PXDNL: variants seen among roughly 807,000 people sequenced by gnomAD.
PXDNL encodes the protein probable oxidoreductase PXDNL.
Under a neutral mutation model 150.8 loss-of-function variants are expected in PXDNL, and 145 were observed. The observed-to-expected ratio is 0.96, with a 90% CI of 0.84 to 1.10. The LOEUF (loss-of-function observed/expected upper bound fraction) is 1.10, where lower values mean the gene tolerates loss of function less well. PXDNL is among the 50% of genes least tolerant of loss of function. The pLI, the probability that PXDNL is intolerant of heterozygous loss-of-function variation, is 0.00. For synonymous variants in PXDNL, 757 were observed against 725.7 expected, an observed-to-expected ratio of 1.04 and a Z score of -0.69; for missense variants, 2,087 against 1,873.9, an observed-to-expected ratio of 1.11 and a Z score of -2.10.
chr8:51,664,752 G>T (rs528716500), intron 1 of PXDNL, among the ~76,000 whole-genome samples: 1 of 152,026 alleles, frequency 6.6e-6, no homozygotes, highest in Non-Finnish European at 1.5e-5. Flanking sequence ...AGTGAGATGC[G>T]CTCCCAGGTG....
At chr8:51,505,228 C>T (rs1399160604) in intron 4 of PXDNL, among the ~76,000 whole-genome samples, 1 of 152,084 alleles carries the variant, frequency 6.6e-6, no homozygotes, top group Non-Finnish European at 1.5e-5. Flanking sequence ...AAAGAGAGGA[C>T]AAAAATCTTC....
At chr8:51,708,946 G>A (rs1816439920) in intron 1 of PXDNL, among the ~76,000 whole-genome samples, 2 of 151,976 alleles carry the variant, frequency 1.3e-5, no homozygotes, top group Admixed American at 6.6e-5. Flanking sequence ...AGGGAGGGGG[G>A]CAATAGGAGA....
At chr8:51,808,097 A>T (rs924475334) in intron 1 of PXDNL, among the ~76,000 whole-genome samples, 2 of 152,234 alleles carry the variant, frequency 1.3e-5, no homozygotes, top group African/African-American at 4.8e-5. Flanking sequence ...ATACCATCAA[A>T]TTGGACTTTT....
chr8:51,420,528 G>A (rs546822470), intron 14 of PXDNL, among the ~76,000 whole-genome samples: 30 of 151,958 alleles, frequency 2.0e-4, no homozygotes, highest in African/African-American at 7.0e-4. Context: ...ACATATAAAT[G>A]TCCCAGAGAC....
At chr8:51,561,484 A>T (rs1160856921) in intron 3 of PXDNL, among the ~76,000 whole-genome samples, 1 of 151,968 alleles carries the variant, frequency 6.6e-6, no homozygotes, top group Non-Finnish European at 1.5e-5. Context: ...CCAGTCTGGA[A>T]AGATGAGATA....
At chr8:51,630,050 A>G (rs1473233549) in intron 2 of PXDNL, among the ~76,000 whole-genome samples, 1 of 152,236 alleles carries the variant, frequency 6.6e-6, no homozygotes, top group Non-Finnish European at 1.5e-5. Context: ...ATACAAGGCT[A>G]TAGTAATCAA....
chr8:51,616,047 C>T (rs1469322151), intron 2 of PXDNL, among the ~76,000 whole-genome samples: 2 of 152,150 alleles, frequency 1.3e-5, no homozygotes, highest in African/African-American at 4.8e-5. Context: ...CCACAAAGAT[C>T]CACTCCAACT....
At chr8:51,708,530 T>C (rs1216589565) in intron 1 of PXDNL, among the ~76,000 whole-genome samples, 1 of 152,182 alleles carries the variant, frequency 6.6e-6, no homozygotes, top group Non-Finnish European at 1.5e-5. Flanking sequence ...GAATTGCCAT[T>C]GCAGAGAAGT....
chr8:51,320,469 A>G (rs922131276), intron 22 of PXDNL, among the ~76,000 whole-genome samples: 3 of 152,268 alleles, frequency 2.0e-5, no homozygotes, highest in Non-Finnish European at 2.9e-5. Context: ...ACTGAAGAAT[A>G]ATGAGATGAA....
chr8:51,633,432 C>T (rs1814533928), intron 2 of PXDNL, among the ~76,000 whole-genome samples: 1 of 152,128 alleles, frequency 6.6e-6, no homozygotes, highest in Non-Finnish European at 1.5e-5. Flanking sequence ...ATTGCTGGGT[C>T]GAATGGTAGT....
intron 2 of PXDNL, among the ~76,000 whole-genome samples, chr8:51,627,894 A>C (rs1260889817): frequency 6.6e-6 from 1 of 152,198 alleles, no homozygotes; most frequent in African/African-American, 2.4e-5. Flanking sequence ...CCTACCTAAA[A>C]GACTGAGACA....
At chr8:51,728,549 GTGTT>G (rs1228534752) in intron 1 of PXDNL, among the ~76,000 whole-genome samples, 1 of 151,752 alleles carries the variant, frequency 6.6e-6, no homozygotes, top group Non-Finnish European at 1.5e-5. Context: ...GCGAATGTGT[GTGTT>G]TGTGTCTTCA....
intron 19 of PXDNL, among the ~76,000 whole-genome samples, chr8:51,362,742 T>C (rs1586035288): frequency 6.6e-6 from 1 of 152,180 alleles, no homozygotes; most frequent in African/African-American, 2.4e-5. Context: ...AAGCATGTGA[T>C]TGAAAGAGGG....
At chr8:51,763,320 T>TAAAAAA (rs58440027) in intron 1 of PXDNL, among the ~76,000 whole-genome samples, 65 of 141,692 alleles carry the variant, frequency 4.6e-4, no homozygotes, top group African/African-American at 1.6e-3. Context: ...CTTAAAGTAT[T>TAAAAAA]AAAAAAAAAA....
intron 2 of PXDNL, among the ~76,000 whole-genome samples, chr8:51,642,339 C>G (rs1343588671): frequency 2.6e-5 from 4 of 151,752 alleles, no homozygotes; most frequent in Admixed American, 6.6e-5. Context: ...CACATGTACC[C>G]TAAAACTTAA....
intron 1 of PXDNL, among the ~76,000 whole-genome samples, chr8:51,698,700 A>C (rs1385294045): frequency 6.6e-6 from 1 of 152,204 alleles, no homozygotes; most frequent in African/African-American, 2.4e-5. Flanking sequence ...GAAACCTTTC[A>C]ATTTACTTTT....
intron 2 of PXDNL, among the ~76,000 whole-genome samples, chr8:51,632,094 G>A (rs905246635): frequency 7.2e-5 from 11 of 151,820 alleles, no homozygotes; most frequent in African/African-American, 2.4e-4. Flanking sequence ...TAATTTTTTT[G>A]GCTATGACTC....
At chr8:51,326,069 C>G (rs1805474695) in intron 21 of PXDNL, among the ~76,000 whole-genome samples, 2 of 152,198 alleles carry the variant, frequency 1.3e-5, no homozygotes, top group African/African-American at 4.8e-5. Context: ...TGAGGAAAAA[C>G]TACCCAGGAA....
chr8:51,513,167 CA>C (rs964238238), intron 4 of PXDNL, among the ~76,000 whole-genome samples: 1 of 152,200 alleles, frequency 6.6e-6, no homozygotes, highest in Non-Finnish European at 1.5e-5. Flanking sequence ...GGGAGATGAA[CA>C]AGTGGTGGGT....
Sources: allele counts gnomAD v4.1 joint callset (sites outside exome capture counted in the v4.1 genomes callset), GRCh38; gene constraint gnomAD v4.1.1; transcripts MANE v1.5; gene names NCBI Gene and HGNC (gene_info 2026-07-23, HGNC 2026-07-21).